Variants in C4orf51 observed in about 807,000 individuals in gnomAD.
C4orf51 encodes chromosome 4 open reading frame 51, also known as uncharacterized protein C4orf51.
In C4orf51, 25 loss-of-function variants were observed where a neutral mutation model predicts 25.2. The ratio of observed to expected loss-of-function variants is 0.99; its 90% CI spans 0.72 to 1.39. The LOEUF is 1.39. Ranked by LOEUF, C4orf51 falls within the 40% of genes most tolerant of loss-of-function variation. The pLI is 0.00. For synonymous variants in C4orf51, 100 were observed against 84.5 expected (o/e 1.18, Z -1.01); for missense variants, 252 against 239.6 (o/e 1.05, Z -0.34).
chr4:145,769,773 G>A (rs911344785), intron 1 of C4orf51, among the ~76,000 whole-genome samples: 1 of 152,156 alleles, frequency 6.6e-6, no homozygotes, highest in Admixed American at 6.5e-5. Context: ...CACAGGTGAT[G>A]CAACTTCACA....
chr4:145,695,824 T>C (rs979673008), intron 1 of C4orf51, among the ~76,000 whole-genome samples: 6 of 152,198 alleles, frequency 3.9e-5, no homozygotes, highest in African/African-American at 1.2e-4. Context: ...TGAAATACTA[T>C]GCAGTCACAA....
chr4:145,726,958 A>C lies in C4orf51; in HGVS notation c.355A>C (p.Lys119Gln), dbSNP rs1174001434. 6.2e-7 allele frequency: 1 copy of C among 1,613,288 alleles called. No individual in the cohort carries two copies. Among genetic ancestry groups the C allele is most frequent in the Admixed American group, 1.7e-5 (1 of 60,022 alleles). ...TRPFKKSFDV[K>Q]HGVAHQIWDF... Reference sequence around the variant, plus strand: ...GCCCTTTAAAAAGTCATTTGATGTCAAGCATGGAGTGGTAAGCCCAACATT... The same window carrying C: ...GCCCTTTAAAAAGTCATTTGATGTCCAGCATGGAGTGGTAAGCCCAACATT... The change falls in exon 3 of 6, where the codon AAG (lysine) becomes CAG (glutamine). Residue 119 changes from lysine (K) to glutamine (Q), a missense_variant. Lys to Gln is a moderately conservative substitution (Grantham distance 53, BLOSUM62 1). Coordinates refer to ENST00000438731, the MANE Select transcript of C4orf51 (RefSeq NM_001080531.3).
rs531248016 is a variant in C4orf51, at chr4:145,702,994, G to A, written c.307+6362G>A. Among the ~76,000 whole-genome samples the A allele has an allele frequency of 4.7e-5, 7 of 149,424 alleles. No individual in the cohort carries two copies. In the East Asian group the frequency reaches 8.0e-4, roughly 17 times the overall value. Reference sequence around the variant, plus strand: ...TCCATACCACCCCCCCAAAATTTTCGCCACCCCAACACTTCAACACTATTT... The same window carrying A: ...TCCATACCACCCCCCCAAAATTTTCACCACCCCAACACTTCAACACTATTT... On this transcript the variant is annotated intron_variant, in intron 2 of 5. Coordinates refer to ENST00000438731, the MANE Select transcript of C4orf51 (RefSeq NM_001080531.3).
intron 1 of C4orf51, among the ~76,000 whole-genome samples, chr4:145,751,744 C>T (rs1234014815): frequency 6.6e-6 from 1 of 152,224 alleles, no homozygotes; most frequent in African/African-American, 2.4e-5. Context: ...TCCCCCAGGA[C>T]CCAGGCAGGC....
intron 5 of C4orf51, 56 bp from the exon 6 acceptor site, chr4:145,732,396 TG>T: frequency 9.2e-7 from 1 of 1,088,272 alleles, no homozygotes; most frequent in Non-Finnish European, 1.4e-6. Context: ...CCCAATTCTG[TG>T]GAAAAGTGAC....
chr4:145,750,194 T>C (rs74735572), intron 1 of C4orf51, among the ~76,000 whole-genome samples: 12,884 of 152,226 alleles, frequency 0.085, 587 homozygotes, highest in Middle Eastern at 0.12. Context: ...CTGTTTTTTT[T>C]CTGTGTATTT....
At chr4:145,782,572 C>T in the C4orf51 span, among the ~76,000 whole-genome samples, 1 of 152,194 alleles carries the variant, frequency 6.6e-6, no homozygotes, top group African/African-American at 2.4e-5. Flanking sequence ...TCATCTTTCA[C>T]CAACATTGTG....
downstream of C4orf51, among the ~76,000 whole-genome samples, chr4:145,756,695 A>C (rs1314709153): frequency 1.3e-5 from 2 of 152,214 alleles, no homozygotes; most frequent in African/African-American, 4.8e-5. Flanking sequence ...TTATTTTAAC[A>C]TTTTCAATAA....
chr4:145,749,933 C>T (rs1733581243), intron 1 of C4orf51, among the ~76,000 whole-genome samples: 1 of 152,138 alleles, frequency 6.6e-6, no homozygotes, highest in Non-Finnish European at 1.5e-5. Flanking sequence ...CGTGCCCGTC[C>T]ATCACCCATT....
intron 1 of C4orf51, among the ~76,000 whole-genome samples, chr4:145,748,115 G>C (rs1195037786): frequency 2.6e-5 from 4 of 151,862 alleles, no homozygotes; most frequent in Admixed American, 6.6e-5. Flanking sequence ...GTTCAATCTT[G>C]ATAGGTTGTA....
Position 145,680,372 on chromosome 4 carries a change from C to A in C4orf51, c.169C>A (p.Leu57Met), listed in dbSNP as rs201625917. Residue 57 changes from leucine to methionine, a missense_variant, in exon 1 of 6, where the codon CTG becomes ATG. Coordinates refer to ENST00000438731, the MANE Select transcript of C4orf51 (RefSeq NM_001080531.3). ...TYTGSYRKKQLDKSMCSQFSF... is the reference protein window; with the variant it reads ...TYTGSYRKKQMDKSMCSQFSF... ...CACAGGCAGTTACCGGAAAAAACAA[C>A]TGGACAAGTCCATGTGCAGCCAATT... 198 of 1,613,980 alleles carry A rather than the reference C, an allele frequency of 1.2e-4. 1 individual carries two copies. In the East Asian group the frequency reaches 4.2e-3, roughly 34 times the overall value.
intron 1 of C4orf51, among the ~76,000 whole-genome samples, chr4:145,691,976 C>CACACAATATATTCATGTAACA (rs1427861062): frequency 4.0e-5 from 6 of 151,840 alleles, no homozygotes; most frequent in African/African-American, 7.2e-5. Context: ...TGATATACAG[C>CACACAATATATTCATGTAACA]TGATAGGAAT....
At chr4:145,698,403 G>A (rs112242374) in intron 2 of C4orf51, among the ~76,000 whole-genome samples, 123 of 152,308 alleles carry the variant, frequency 8.1e-4, no homozygotes, top group African/African-American at 2.8e-3. Context: ...CAGAAAGGCA[G>A]GACAACTCAA....
the C4orf51 span, among the ~76,000 whole-genome samples, chr4:145,783,121 G>A: frequency 6.6e-6 from 1 of 152,156 alleles, no homozygotes; most frequent in African/African-American, 2.4e-5. Flanking sequence ...AGTCCAACGT[G>A]AAGCAGTACT....
In C4orf51 at chr4:145,761,642, C is replaced by T. The variant is rs1386153014; in HGVS notation, n.167-9346C>T. 7.8e-6 allele frequency: 9 copies of T among 1,156,162 alleles called. No homozygotes were observed. Among genetic ancestry groups the T allele is most frequent in the East Asian group, 1.2e-4 (2 of 17,016 alleles). The allele number at this position is 1,156,162 out of a possible 1,614,324, so 71.6% of individuals were successfully genotyped here. On this transcript the variant is annotated intron_variant and non_coding_transcript_variant, in intron 1 of 1. Transcript: ENST00000510096. The surrounding 1 kb of genome is among the most constrained non-coding windows in gnomAD (Gnocchi z 6.8). ...CAAGGGAGGTTCAGCCGGGAAGGTT[C>T]GGAGGCAGCCGCGCTTCTCGCCGCC...
the C4orf51 span, among the ~76,000 whole-genome samples, chr4:145,780,147 C>T: frequency 5.3e-5 from 8 of 152,076 alleles, no homozygotes; most frequent in Non-Finnish European, 1.0e-4. Flanking sequence ...GCTGAGATCA[C>T]GCCACTGCAC....
chr4:145,680,446 C>T lies in C4orf51; in HGVS notation c.233+10C>T, dbSNP rs764381680. Reference sequence around the variant, plus strand: ...AGCCTGAGTGTAAACAGTAAGATTTCTTTGTAATTTGCACCTGGATATATC... The same window carrying T: ...AGCCTGAGTGTAAACAGTAAGATTTTTTTGTAATTTGCACCTGGATATATC... On this transcript the variant is annotated intron_variant, in intron 1 of 5. Coordinates refer to ENST00000438731, the MANE Select transcript of C4orf51 (RefSeq NM_001080531.3). 1 of 1,603,386 alleles carries T rather than the reference C, an allele frequency of 6.2e-7. No homozygotes were observed. The highest frequency in any genetic ancestry group is 2.2e-5 in the East Asian group (1 of 44,822).
At chr4:145,766,916 G>A (rs1197728365) in intron 1 of C4orf51, among the ~76,000 whole-genome samples, 1 of 152,138 alleles carries the variant, frequency 6.6e-6, no homozygotes, top group Non-Finnish European at 1.5e-5. Context: ...AATCATGAAA[G>A]CAAGACCCCA....
intron 2 of C4orf51, among the ~76,000 whole-genome samples, chr4:145,710,854 T>C (rs546772679): frequency 6.6e-6 from 1 of 152,240 alleles, no homozygotes; most frequent in South Asian, 2.1e-4. Context: ...ACTAGCTACC[T>C]ACTGTGACAG....
Sources: allele counts gnomAD v4.1 joint callset (sites outside exome capture counted in the v4.1 genomes callset), GRCh38; gene constraint gnomAD v4.1.1; non-coding constraint Gnocchi (gnomAD v3.1); transcripts MANE v1.5; gene names NCBI Gene and HGNC (gene_info 2026-07-23, HGNC 2026-07-21).